RAPGEF5: variants seen among roughly 807,000 people sequenced by gnomAD.
The protein encoded by RAPGEF5 is M-Ras-regulated GEF.
In RAPGEF5, 65 loss-of-function variants were observed where a neutral mutation model predicts 125.2. That is an observed-to-expected ratio of 0.52 (90% CI 0.43 to 0.64). The LOEUF (loss-of-function observed/expected upper bound fraction) is 0.64. RAPGEF5 is among the 30% of genes least tolerant of loss of function. The pLI is 0.00. For synonymous variants in RAPGEF5, 391 were observed against 385.9 expected (o/e 1.01, Z -0.16); for missense variants, 958 against 1,048.1 (o/e 0.91, Z 1.19).
intron 7 of RAPGEF5, among the ~76,000 whole-genome samples, chr7:22,259,592 A>G (rs893772030): frequency 2.6e-5 from 4 of 152,240 alleles, no homozygotes; most frequent in African/African-American, 9.6e-5. Flanking sequence ...CTTGAAAACA[A>G]CCAAGATGTC....
intron 7 of RAPGEF5, among the ~76,000 whole-genome samples, chr7:22,238,147 G>T (rs1486933586): frequency 6.6e-6 from 1 of 152,200 alleles, no homozygotes; most frequent in Non-Finnish European, 1.5e-5. Flanking sequence ...TGTGGCCATT[G>T]AGGGCAGGTT....
chr7:22,244,193 CGT>C (rs1044473442), intron 7 of RAPGEF5, among the ~76,000 whole-genome samples: 5 of 151,840 alleles, frequency 3.3e-5, no homozygotes, highest in Admixed American at 1.3e-4. Flanking sequence ...TACACATATA[CGT>C]GTGTGTGTAT....
At chr7:22,149,432 C>A (rs1583413578) in intron 18 of RAPGEF5, among the ~76,000 whole-genome samples, 1 of 152,330 alleles carries the variant, frequency 6.6e-6, no homozygotes. Context: ...GACACAATCG[C>A]AATCTGCTAG....
rs537134890 is a variant in RAPGEF5, at chr7:22,283,069, A to ACACG, written c.747+8105_747+8106insCGTG. Among the ~76,000 whole-genome samples the ACACG allele has an allele frequency of 3.2e-3, 480 of 151,774 alleles. 5 individuals carry two copies. The highest frequency in any genetic ancestry group is 0.011 in the African/African-American group (438 of 41,372). ...AATACACACACACACACACACACAC[A>ACACG]CGCATGAAAAATAACCTAGCAAGTA... On this transcript the variant is annotated intron_variant, in intron 6 of 25. Transcript: ENST00000665637.
intron 11 of RAPGEF5, among the ~76,000 whole-genome samples, chr7:22,187,920 G>A (rs1784872005): frequency 6.6e-6 from 1 of 152,198 alleles, no homozygotes; most frequent in Non-Finnish European, 1.5e-5. Flanking sequence ...AGACCTTAAG[G>A]CCTAGGCCCC....
intron 6 of RAPGEF5, among the ~76,000 whole-genome samples, chr7:22,286,573 C>A (rs529686150): frequency 8.5e-5 from 13 of 152,252 alleles, no homozygotes; most frequent in Non-Finnish European, 1.3e-4. Context: ...GTTTTTATCT[C>A]CTATTTAAGA....
At chr7:22,232,521 T>A (rs774569818) in intron 7 of RAPGEF5, among the ~76,000 whole-genome samples, 29 of 152,156 alleles carry the variant, frequency 1.9e-4, no homozygotes, top group Non-Finnish European at 3.4e-4. Flanking sequence ...GGTTTCACCA[T>A]GTTGGCCAGG....
chr7:22,122,360 C>G lies in RAPGEF5; in HGVS notation c.*46G>C. 6.9e-7 allele frequency: 1 copy of G among 1,457,050 alleles called. No individual in the cohort carries two copies. Among genetic ancestry groups the G allele is most frequent in the Non-Finnish European group, 9.6e-7 (1 of 1,041,760 alleles). The allele number at this position is 1,457,050 out of a possible 1,614,324, so 90.3% of individuals were successfully genotyped here. On this transcript the variant is annotated 3_prime_UTR_variant, in exon 26 of 26. Transcript: ENST00000665637. ...GCAACGTGCTTGGCATAGACATTCCCGTAGCTCAAAGTGCTGCAGATACAG... is the reference window on the plus strand; with the variant it reads ...GCAACGTGCTTGGCATAGACATTCCGGTAGCTCAAAGTGCTGCAGATACAG...
chr7:22,214,036 T>C (rs1785571631), intron 9 of RAPGEF5, among the ~76,000 whole-genome samples: 1 of 152,190 alleles, frequency 6.6e-6, no homozygotes, highest in African/African-American at 2.4e-5. Flanking sequence ...TAAATAAGTG[T>C]GACAGTAGCC....
At chr7:22,327,360 T>C (rs1235990966) in intron 1 of RAPGEF5, among the ~76,000 whole-genome samples, 1 of 152,268 alleles carries the variant, frequency 6.6e-6, no homozygotes, top group Non-Finnish European at 1.5e-5. Context: ...TTTCCCCTGA[T>C]TCATTACATG....
At chr7:22,350,642 C>T (rs570037632) in intron 1 of RAPGEF5, among the ~76,000 whole-genome samples, 2 of 152,238 alleles carry the variant, frequency 1.3e-5, no homozygotes, top group South Asian at 4.2e-4. Context: ...GAAGCCACAG[C>T]CTGTGTCTTT....
At chr7:22,288,614 C>G (rs905889434) in intron 6 of RAPGEF5, among the ~76,000 whole-genome samples, 2 of 150,678 alleles carry the variant, frequency 1.3e-5, no homozygotes, top group African/African-American at 4.9e-5. Context: ...GCTCTGCCTC[C>G]CAGGTTCACA....
chr7:22,126,011 G>T (rs1437077201), intron 24 of RAPGEF5, among the ~76,000 whole-genome samples: 3 of 151,996 alleles, frequency 2.0e-5, no homozygotes, highest in Non-Finnish European at 4.4e-5. Context: ...TTAGCTGGGG[G>T]TTGTAGCAGG....
At chr7:22,352,874 G>GT (rs11439613) in intron 1 of RAPGEF5, among the ~76,000 whole-genome samples, 62,137 of 151,928 alleles carry the variant, frequency 0.41, 13,031 homozygotes, top group Non-Finnish European at 0.47. Flanking sequence ...TCACCATTTT[G>GT]CAACCCCTAA....
In RAPGEF5 at chr7:22,147,382, C is replaced by T. The variant is rs531833032; in HGVS notation, c.1885-363G>A. ...TGGCTTCTGGTAAGAATTAATGTGCCGGCAGGGTTAGCATAAAAACAAACA... is the reference window on the plus strand; with the variant it reads ...TGGCTTCTGGTAAGAATTAATGTGCTGGCAGGGTTAGCATAAAAACAAACA... On this transcript the variant is annotated intron_variant, in intron 18 of 25. Coordinates refer to ENST00000665637, the MANE Select transcript of RAPGEF5 (RefSeq NM_012294.5). 4.6e-5 allele frequency among the ~76,000 whole-genome samples: 7 copies of T among 152,228 alleles called. No homozygotes were observed. The South Asian group carries it at 1.0e-3, about 23-fold the overall frequency.
chr7:22,348,391 A>G (rs900471125), intron 1 of RAPGEF5, among the ~76,000 whole-genome samples: 1 of 152,252 alleles, frequency 6.6e-6, no homozygotes, highest in Non-Finnish European at 1.5e-5. Flanking sequence ...GTGTACTTCC[A>G]ACTTCCTAAT....
Position 22,119,686 on chromosome 7 carries a change from A to G in RAPGEF5, c.*2720T>C, listed in dbSNP as rs948355994. The G allele has an allele frequency of 6.6e-6, 1 of 152,232 alleles. No individual in the cohort carries two copies. Among genetic ancestry groups the G allele is most frequent in the Non-Finnish European group, 1.5e-5 (1 of 68,040 alleles). 9.4% of individuals were successfully genotyped at this position (152,232 alleles called of 1,614,324 possible). A position where few individuals can be genotyped will look rare whatever the true frequency, so the allele number is the denominator to read the frequency against. On this transcript the variant is annotated 3_prime_UTR_variant, in exon 26 of 26. Transcript: ENST00000665637. This position sits in a 1 kb window ranked among gnomAD's most constrained non-coding sequence, Gnocchi z 4.1. Reference sequence around the variant, plus strand: ...GCCCACTTAGAAGTGCCCCTGCACCACCTGGTGCCGAAGGTGCCAGATTAC... The same window carrying G: ...GCCCACTTAGAAGTGCCCCTGCACCGCCTGGTGCCGAAGGTGCCAGATTAC...
chr7:22,325,341 T>C (rs998168639), intron 1 of RAPGEF5, among the ~76,000 whole-genome samples: 7 of 152,188 alleles, frequency 4.6e-5, no homozygotes, highest in African/African-American at 1.7e-4. Flanking sequence ...TAGTGATTTA[T>C]TTCCAACATC....
intron 12 of RAPGEF5, 88 bp from the exon 13 acceptor site, chr7:22,162,629 G>A: frequency 7.9e-7 from 1 of 1,263,310 alleles, no homozygotes; most frequent in African/African-American, 1.5e-5. Flanking sequence ...AATATGTGAA[G>A]GCATACAAGT....
Sources: gnomAD v4.1 joint callset for allele counts (sites outside exome capture counted in the v4.1 genomes callset) on GRCh38, gnomAD v4.1.1 for gene constraint, Gnocchi (gnomAD v3.1) non-coding constraint, MANE v1.5 for transcripts, NCBI Gene and HGNC (gene_info 2026-07-23, HGNC 2026-07-21) for gene names.